The following MARK2 variants were observed in gnomAD, a reference collection of about 807,000 sequenced individuals.
The protein encoded by MARK2 is serine/threonine-protein kinase MARK2.
A neutral mutation model predicts 89.8 loss-of-function variants in MARK2; 16 were observed. That is an observed-to-expected ratio of 0.18 (90% CI 0.12 to 0.27). The LOEUF (loss-of-function observed/expected upper bound fraction) is 0.27, where lower values mean the gene tolerates loss of function less well. Ranked by LOEUF, MARK2 falls within the 10% of genes least tolerant of loss-of-function variation. The probability of loss-of-function intolerance (pLI) is 1.00; values close to 1 mark genes in which losing one functional copy is unlikely to be tolerated. For missense variants in MARK2, 621 were observed against 1,049.9 expected, an observed-to-expected ratio of 0.59 and a Z score of 5.65; for synonymous variants, 382 against 399.5, an observed-to-expected ratio of 0.96 and a Z score of 0.52.
At chr11:63,843,478 G>A (rs1565090892) in intron 1 of MARK2, among the ~76,000 whole-genome samples, 1 of 152,108 alleles carries the variant, frequency 6.6e-6, no homozygotes, top group Non-Finnish European at 1.5e-5. Flanking sequence ...GAGCGGCATT[G>A]TTTATTCTCT....
intron 1 of MARK2, among the ~76,000 whole-genome samples, chr11:63,841,569 C>T (rs1284122261): frequency 6.6e-6 from 1 of 152,216 alleles, no homozygotes; most frequent in African/African-American, 2.4e-5. Flanking sequence ...TTATTCCACC[C>T]ATTTTCCTCT....
chr11:63,841,770 C>T (rs2016031532), intron 1 of MARK2, among the ~76,000 whole-genome samples: 1 of 152,204 alleles, frequency 6.6e-6, no homozygotes, highest in Non-Finnish European at 1.5e-5. Flanking sequence ...TAACAGACTG[C>T]CTCAGTGTGG....
Position 63,856,768 on chromosome 11 carries a change from G to GTTTTTTTTTT in MARK2, c.54+17236_54+17245dup, listed in dbSNP as rs71039681. Reference sequence around the variant, plus strand: ...TTTTTTCCATTTTTAAATTTTTCATGTTTTTTTTTTTTTTTTTTTTTTTTT... The same window carrying GTTTTTTTTTT: ...TTTTTTCCATTTTTAAATTTTTCATGTTTTTTTTTTTTTTTTTTTTTTTTTTTTTTTTTTT... On this transcript the variant is annotated intron_variant, in intron 1 of 18. Transcript: ENST00000402010. Among the ~76,000 whole-genome samples the GTTTTTTTTTT allele has an allele frequency of 1.9e-4, 10 of 53,796 alleles. 2 individuals are homozygous for GTTTTTTTTTT. The highest frequency in any genetic ancestry group is 6.7e-4 in the East Asian group (1 of 1,482). The allele number at this position is 53,796 out of a possible 152,430, so 35.3% of individuals were successfully genotyped here. A position where few individuals can be genotyped will look rare whatever the true frequency, so the allele number is the denominator to read the frequency against.
intron 1 of MARK2, among the ~76,000 whole-genome samples, chr11:63,844,098 A>G (rs1020976355): frequency 5.9e-5 from 9 of 152,262 alleles, no homozygotes; most frequent in Admixed American, 4.6e-4. Context: ...GAGATCAGGA[A>G]GGAAGTGTTG....
chr11:63,882,472 A>C (rs1162259684), intron 1 of MARK2: 1 of 152,006 alleles, frequency 6.6e-6, no homozygotes, highest in East Asian at 1.9e-4. Flanking sequence ...AATCCCAGTT[A>C]CTTGGGAGGC....
chr11:63,904,544 A>C lies in MARK2; in HGVS notation c.1677-242A>C. Among the ~76,000 whole-genome samples the C allele has an allele frequency of 6.6e-6, 1 of 150,600 alleles. No individual in the cohort carries two copies. The highest frequency in any genetic ancestry group is 1.5e-5 in the Non-Finnish European group (1 of 67,522). ...GCCCGCTGTCTCCAGCCTAAACCAC[A>C]CTCCACACAGGGGTCCTTCCTTGCC... On this transcript the variant is annotated intron_variant, in intron 15 of 18. Coordinates refer to ENST00000402010, the MANE Select transcript of MARK2 (RefSeq NM_001039469.3). The surrounding 1 kb of genome is among the most constrained non-coding windows in gnomAD (Gnocchi z 6.3).
chr11:63,909,347 G>C lies in MARK2; in HGVS notation c.*110G>C. 1 of 1,181,734 alleles carries C rather than the reference G, an allele frequency of 8.5e-7. No individual in the cohort carries two copies. The highest frequency in any genetic ancestry group is 1.1e-6 in the Non-Finnish European group (1 of 872,944). 73.2% of individuals were successfully genotyped at this position (1,181,734 alleles called of 1,614,324 possible). A position where few individuals can be genotyped will look rare whatever the true frequency, so the allele number is the denominator to read the frequency against. ...AGCGATGGATTGGTGTGTCTCCCCT[G>C]CTGGCACTTCTCCCCTCCCTGGCCC... On this transcript the variant is annotated 3_prime_UTR_variant, in exon 19 of 19. Transcript: ENST00000402010.
rs1262669448 is a variant in MARK2 at position 63,874,113 on chromosome 11, C to T, written c.55-21046C>T. Reference sequence around the variant, plus strand: ...CAGGTGCTGACCACCTTTCCCTCTTCCTTCCTGTGTCTTGCGGCCAGCGAC... The same window carrying T: ...CAGGTGCTGACCACCTTTCCCTCTTTCTTCCTGTGTCTTGCGGCCAGCGAC... On this transcript the variant is annotated intron_variant, in intron 1 of 18. Coordinates refer to ENST00000402010, the MANE Select transcript of MARK2 (RefSeq NM_001039469.3). 2.0e-5 allele frequency among the ~76,000 whole-genome samples: 3 copies of T among 152,208 alleles called. 1 individual carries two copies. The highest frequency in any genetic ancestry group is 4.8e-5 in the African/African-American group (2 of 41,456).
chr11:63,851,796 A>G (rs568539194), intron 1 of MARK2, among the ~76,000 whole-genome samples: 2 of 151,376 alleles, frequency 1.3e-5, no homozygotes, highest in Admixed American at 6.6e-5. Flanking sequence ...TTCTGGAGCC[A>G]CCTCTCTCAG....
Position 63,903,994 on chromosome 11 carries a change from T to C in MARK2, c.1523T>C (p.Met508Thr). 1.2e-6 allele frequency: 2 copies of C among 1,606,292 alleles called. No individual in the cohort carries two copies. The highest frequency in any genetic ancestry group is 1.7e-6 in the Non-Finnish European group (2 of 1,176,426). The change falls in exon 15 of 19, where the codon ATG becomes ACG. Residue 508 changes from methionine to threonine, a missense_variant. Met to Thr is a moderately conservative substitution (Grantham distance 81). This residue lies in a region of MARK2 where 397 missense variants were observed against 567.8 expected (regional missense o/e 0.70). Coordinates refer to ENST00000402010, the MANE Select transcript of MARK2 (RefSeq NM_001039469.3). The surrounding 1 kb of genome is among the most constrained non-coding windows in gnomAD (Gnocchi z 5.1). ...CTGCTTTTGTTTCCTAGCCTAACCATGCCAGGGTCCCGGGCCTCCACGGCT... is the reference window on the plus strand; with the variant it reads ...CTGCTTTTGTTTCCTAGCCTAACCACGCCAGGGTCCCGGGCCTCCACGGCT... ...SIQNGKDSLT[M>T]PGSRASTASA...
Position 63,895,173 on chromosome 11 carries a change from C to T in MARK2, c.69C>T (p.His23=), listed in dbSNP as rs756938835. The T allele has an allele frequency of 3.7e-6, 6 of 1,613,302 alleles. No individual in the cohort carries two copies. Among genetic ancestry groups the T allele is most frequent in the African/African-American group, 1.3e-5 (1 of 75,012 alleles). ...ERDTEQPTLG[H]LDSKPSSKSN... is the part of the protein sequence containing the mutation. ...CCACCCCGCAGCCCACCTTGGGACA[C>T]CTTGACTCCAAGCCCAGCAGTAAGT... is the stretch of plus-strand genomic sequence containing the variant. The change falls in exon 2 of 19, where the codon CAC becomes CAT. Residue 23 remains histidine (H), a synonymous_variant. Transcript: ENST00000402010.
chr11:63,847,228 A>G (rs916118512), intron 1 of MARK2, among the ~76,000 whole-genome samples: 1 of 152,186 alleles, frequency 6.6e-6, no homozygotes, highest in Admixed American at 6.5e-5. Flanking sequence ...TACATTTCTC[A>G]TTAGAAAATG....
chr11:63,857,074 G>A (rs1020196941), intron 1 of MARK2, among the ~76,000 whole-genome samples: 1 of 151,866 alleles, frequency 6.6e-6, no homozygotes, highest in Non-Finnish European at 1.5e-5. Context: ...GCCTCCCAAA[G>A]TGCTGGGATT....
intron 1 of MARK2, among the ~76,000 whole-genome samples, chr11:63,864,168 A>T (rs573328234): frequency 2.3e-4 from 35 of 151,622 alleles, no homozygotes; most frequent in African/African-American, 8.0e-4. Context: ...GTTAGCCAGG[A>T]TGGTCTCGAT....
chr11:63,848,676 G>A (rs968768516), intron 1 of MARK2, among the ~76,000 whole-genome samples: 6 of 151,128 alleles, frequency 4.0e-5, no homozygotes, highest in African/African-American at 1.5e-4. Flanking sequence ...TCAGCCTCCC[G>A]AGTAGCTGGG....
chr11:63,879,001 A>G (rs2135283444), intron 1 of MARK2, among the ~76,000 whole-genome samples: 1 of 152,190 alleles, frequency 6.6e-6, no homozygotes, highest in Admixed American at 6.5e-5. Flanking sequence ...TGCCTGTGGA[A>G]GTGTCTCTTT....
chr11:63,839,460 T>G lies in MARK2; in HGVS notation c.-47T>G. ...GCCGGGCTCCGCGCCTTCCCTTCCC[T>G]CCCTTCCTCCAAGCTTCTCGGTTCC... is the stretch of plus-strand genomic sequence containing the variant. On this transcript the variant is annotated 5_prime_UTR_variant, in exon 1 of 19. Coordinates refer to ENST00000402010, the MANE Select transcript of MARK2 (RefSeq NM_001039469.3). The G allele has an allele frequency of 3.1e-6, 4 of 1,291,264 alleles. No homozygotes were observed. The highest frequency in any genetic ancestry group is 4.3e-6 in the Non-Finnish European group (4 of 923,892). 80.0% of individuals were successfully genotyped at this position (1,291,264 alleles called of 1,614,324 possible).
chr11:63,881,641 G>T (rs1939098353), intron 1 of MARK2, among the ~76,000 whole-genome samples: 1 of 151,600 alleles, frequency 6.6e-6, no homozygotes, highest in African/African-American at 2.4e-5. Context: ...TAAGGTATGG[G>T]GACACAAACA....
intron 1 of MARK2, among the ~76,000 whole-genome samples, chr11:63,860,382 T>G (rs1011267727): frequency 6.7e-6 from 1 of 149,544 alleles, no homozygotes; most frequent in Non-Finnish European, 1.5e-5. Flanking sequence ...TGAAACCCCG[T>G]CTCTACTAAA....
Sources: allele counts gnomAD v4.1 joint callset (sites outside exome capture counted in the v4.1 genomes callset), GRCh38; gene constraint gnomAD v4.1.1; regional missense constraint gnomAD v4.1.1; non-coding constraint Gnocchi (gnomAD v3.1); transcripts MANE v1.5; gene names NCBI Gene and HGNC (gene_info 2026-07-23, HGNC 2026-07-21).